UNC13A: variants seen among roughly 807,000 people sequenced by gnomAD.
The protein encoded by UNC13A is protein unc-13 homolog A.
A neutral mutation model predicts 219.7 loss-of-function variants in UNC13A; 61 were observed. That is an observed-to-expected ratio of 0.28 (90% CI 0.23 to 0.34). The LOEUF (loss-of-function observed/expected upper bound fraction) is 0.34, where lower values mean the gene tolerates loss of function less well. Among genes scored for constraint, UNC13A ranks in the 10% least tolerant of loss-of-function variants. The probability of loss-of-function intolerance (pLI) is 1.00; values close to 1 mark genes in which losing one functional copy is unlikely to be tolerated. For missense variants in UNC13A, 1,476 were observed against 2,270.3 expected (o/e 0.65, Z 7.11); for synonymous variants, 920 against 884.6 (o/e 1.04, Z -0.71).
intron 38 of UNC13A, among the ~76,000 whole-genome samples, chr19:17,620,067 T>C (rs1382272520): frequency 6.6e-6 from 1 of 152,160 alleles, no homozygotes; most frequent in East Asian, 1.9e-4. Context: ...CTGGAAGGCA[T>C]GTGTCTAGCC....
intron 43 of UNC13A, among the ~76,000 whole-genome samples, chr19:17,608,933 G>T (rs1459883021): frequency 6.6e-6 from 1 of 150,834 alleles, no homozygotes; most frequent in African/African-American, 2.4e-5. Context: ...TTACAGGCGT[G>T]AGCCACCATG....
At position 17,633,301 on chromosome 19, in the gene UNC13A, T is replaced by C; in HGVS notation, c.3216-108A>G. ...GGAGTGTAGGGTAGGGTAGAGGGAT[T>C]TGGGTTCAGGTTCCCTCATAGCCAC... On this transcript the variant is annotated intron_variant, in intron 26 of 43. Coordinates refer to ENST00000519716, the MANE Select transcript of UNC13A (RefSeq NM_001080421.3). 3.7e-6 allele frequency: 4 copies of C among 1,093,458 alleles called. No homozygotes were observed. In the South Asian group the frequency reaches 4.3e-5, roughly 12 times the overall value. The allele number at this position is 1,093,458 out of a possible 1,614,324, so 67.7% of individuals were successfully genotyped here. A position where few individuals can be genotyped will look rare whatever the true frequency, so the allele number is the denominator to read the frequency against.
intron 26 of UNC13A, among the ~76,000 whole-genome samples, chr19:17,634,505 A>AT (rs1191675670): frequency 1.3e-5 from 2 of 151,808 alleles, no homozygotes; most frequent in Non-Finnish European, 2.9e-5. Flanking sequence ...TGCCCGGCTA[A>AT]TTTTTTATAT....
intron 11 of UNC13A, among the ~76,000 whole-genome samples, chr19:17,653,399 G>A (rs1013663354): frequency 6.6e-6 from 1 of 151,582 alleles, no homozygotes; most frequent in African/African-American, 2.4e-5. Context: ...CCAGGCTGGA[G>A]TGCAGTGGCG....
In UNC13A at chr19:17,639,430, T is replaced by C; in HGVS notation, c.2946+6A>G. 3.7e-6 allele frequency: 6 copies of C among 1,611,416 alleles called. No homozygotes were observed. Among genetic ancestry groups the C allele is most frequent in the Non-Finnish European group, 4.2e-6 (5 of 1,178,878 alleles). ...GGAGAGCAAAGGCAACTGGATCCTT[T>C]CCTACCTTCATCCGAAAGAAGGTGA... On this transcript the variant is annotated splice_donor_region_variant and intron_variant, in intron 24 of 43. Transcript: ENST00000519716.
intron 7 of UNC13A, among the ~76,000 whole-genome samples, chr19:17,666,190 T>TC (rs1555697387): frequency 6.3e-4 from 17 of 26,928 alleles, no homozygotes; most frequent in African/African-American, 5.4e-3. Flanking sequence ...TCTCTCTCTC[T>TC]TTCTCTCTTT....
intron 22 of UNC13A, among the ~76,000 whole-genome samples, chr19:17,640,164 G>A (rs930574409): frequency 5.3e-5 from 8 of 151,974 alleles, no homozygotes; most frequent in African/African-American, 1.9e-4. Context: ...CCTCCCAAGT[G>A]GCTGGGACTA....
intron 1 of UNC13A, among the ~76,000 whole-genome samples, chr19:17,680,306 T>C (rs910035030): frequency 6.6e-6 from 1 of 152,140 alleles, no homozygotes; most frequent in East Asian, 1.9e-4. Context: ...GCCGGGTTGC[T>C]GTATCAGGGT....
chr19:17,626,747 C>T lies in UNC13A; in HGVS notation c.3959G>A (p.Gly1320Asp), dbSNP rs1337875113. The change falls in exon 34 of 44, where the codon GGT becomes GAT. Residue 1320 changes from glycine (G) to aspartate (D), a missense_variant. By Grantham distance (94) the Gly-to-Asp change is moderately conservative. Coordinates refer to ENST00000519716, the MANE Select transcript of UNC13A (RefSeq NM_001080421.3). Reference sequence around the variant, plus strand: ...GCCCTTAACCTGGCTAAGGATGTCACCCATCTGTTTGACACACTCTTCAAT... The same window carrying T: ...GCCCTTAACCTGGCTAAGGATGTCATCCATCTGTTTGACACACTCTTCAAT... ...PHIEECVKQM[G>D]DILSQVKGTG... 1 of 1,612,376 alleles carries T rather than the reference C, an allele frequency of 6.2e-7. No homozygotes were observed. Among genetic ancestry groups the T allele is most frequent in the Non-Finnish European group, 8.5e-7 (1 of 1,179,382 alleles).
In UNC13A at chr19:17,627,720, T is replaced by A; in HGVS notation, c.3832-123A>T. 1.6e-6 allele frequency: 2 copies of A among 1,255,416 alleles called. No individual in the cohort carries two copies. The highest frequency in any genetic ancestry group is 2.2e-6 in the Non-Finnish European group (2 of 890,150). The allele number at this position is 1,255,416 out of a possible 1,614,324, so 77.8% of individuals were successfully genotyped here. A position where few individuals can be genotyped will look rare whatever the true frequency, so the allele number is the denominator to read the frequency against. On this transcript the variant is annotated intron_variant, in intron 32 of 43. Coordinates refer to ENST00000519716, the MANE Select transcript of UNC13A (RefSeq NM_001080421.3). The surrounding 1 kb of genome is among the most constrained non-coding windows in gnomAD (Gnocchi z 4.7). ...GCAGGGGAAACTGAGGCACAGACCG[T>A]TATGCTGCAAGCCTGGGTTTAAGGC...
chr19:17,635,974 C>T (rs1184426105), intron 26 of UNC13A, 50 bp downstream of exon 26: 4 of 1,573,984 alleles, frequency 2.5e-6, no homozygotes, highest in Admixed American at 1.7e-5. Context: ...AAGTTGTATA[C>T]ATACACACGA....
intron 25 of UNC13A, among the ~76,000 whole-genome samples, chr19:17,637,321 G>A (rs1386210055): frequency 1.3e-4 from 18 of 139,370 alleles, no homozygotes; most frequent in Non-Finnish European, 1.9e-4. Flanking sequence ...TTTTTGAGAC[G>A]GAGTCTCGCT....
At chr19:17,680,953 GC>G (rs1232801039) in intron 1 of UNC13A, among the ~76,000 whole-genome samples, 1 of 135,688 alleles carries the variant, frequency 7.4e-6, no homozygotes, top group Non-Finnish European at 1.5e-5. Flanking sequence ...AGGCTGGAGG[GC>G]AGTGGTGTGA....
At chr19:17,671,630 G>A (rs1440766826) in intron 4 of UNC13A, among the ~76,000 whole-genome samples, 1 of 151,760 alleles carries the variant, frequency 6.6e-6, no homozygotes, top group African/African-American at 2.4e-5. Context: ...AAAAATAAGG[G>A]GGGCCTGGTG....
rs1039028626 is a variant in UNC13A at position 17,649,456 on chromosome 19, A to G, written c.1518+53T>C. The G allele has an allele frequency of 3.7e-6, 6 of 1,613,770 alleles. No individual in the cohort carries two copies. Among genetic ancestry groups the G allele is most frequent in the Non-Finnish European group, 5.1e-6 (6 of 1,179,766 alleles). ...CCATGGGCAGTTCCACAGGTTGTGC[A>G]CTGCTTATAGCAGGCCTGCTCTGCT... is the stretch of plus-strand genomic sequence containing the variant. On this transcript the variant is annotated intron_variant, in intron 13 of 43. Transcript: ENST00000519716. The surrounding 1 kb of genome is among the most constrained non-coding windows in gnomAD (Gnocchi z 4.4).
Position 17,674,628 on chromosome 19 carries a change from T to C in UNC13A, c.152+29A>G, listed in dbSNP as rs1237284416. 2 of 1,604,286 alleles carry C rather than the reference T, an allele frequency of 1.2e-6. No individual in the cohort carries two copies. The highest frequency in any genetic ancestry group is 1.1e-5 in the South Asian group (1 of 90,850). ...CGAGGTGCTGGGCTATGCCAGGGAG[T>C]GAGGTCATGCCAGACGCTGCAGACT... On this transcript the variant is annotated intron_variant, in intron 3 of 43. Transcript: ENST00000519716. This position sits in a 1 kb window ranked among gnomAD's most constrained non-coding sequence, Gnocchi z 5.0.
chr19:17,671,128 G>T (rs1345234569), intron 4 of UNC13A, among the ~76,000 whole-genome samples: 1 of 151,980 alleles, frequency 6.6e-6, no homozygotes, highest in African/African-American at 2.4e-5. Flanking sequence ...AGCCCCATGA[G>T]GTCATAGCCC....
intron 4 of UNC13A, 125 bp from the exon 5 acceptor site, chr19:17,669,801 A>C (rs964375873): frequency 2.8e-4 from 312 of 1,110,456 alleles, no homozygotes; most frequent in Non-Finnish European, 3.7e-4. Context: ...TCCCCTCTCT[A>C]TCTTTCCTTC....
At chr19:17,663,370 G>A (rs1418238764) in intron 8 of UNC13A, among the ~76,000 whole-genome samples, 162 bp downstream of exon 8, 1 of 150,588 alleles carries the variant, frequency 6.6e-6, no homozygotes, top group African/African-American at 2.4e-5. Flanking sequence ...AATGAACAGG[G>A]TACAGGAAAG....
Sources: allele counts gnomAD v4.1 joint callset (sites outside exome capture counted in the v4.1 genomes callset), GRCh38; gene constraint gnomAD v4.1.1; non-coding constraint Gnocchi (gnomAD v3.1); transcripts MANE v1.5; gene names NCBI Gene and HGNC (gene_info 2026-07-23, HGNC 2026-07-21).